The following AOX1 variants were observed in gnomAD, a reference collection of about 807,000 sequenced individuals.
The protein encoded by AOX1 is aldehyde oxidase 1, also known as aldehyde oxidase.
In AOX1, 153 loss-of-function variants were observed where a neutral mutation model predicts 169.5. That is an observed-to-expected ratio of 0.90 (90% CI 0.79 to 1.03). The LOEUF is 1.03. Among genes scored for constraint, AOX1 ranks in the 50% least tolerant of loss-of-function variants. AOX1 has a pLI of 0.00. For synonymous variants in AOX1, 562 were observed against 581.9 expected (o/e 0.97, Z 0.49); for missense variants, 1,656 against 1,663.9 (o/e 1.00, Z 0.08).
At chr2:200,612,883 AG>A in intron 14 of AOX1, 90 bp downstream of exon 14, 1 of 1,044,312 alleles carries the variant, frequency 9.6e-7, no homozygotes, top group Non-Finnish European at 1.4e-6. Context: ...TGTGATTACA[AG>A]AAGAAAAGTG....
At chr2:200,638,367 G>A (rs1366764486) in intron 23 of AOX1, 65 bp downstream of exon 23, 2 of 1,383,968 alleles carry the variant, frequency 1.4e-6, no homozygotes, top group Non-Finnish European at 2.1e-6. Flanking sequence ...CAGTGCGCAG[G>A]GCAGTCTTTG....
chr2:200,625,873 G>C (rs944553697), intron 19 of AOX1, among the ~76,000 whole-genome samples: 2 of 152,220 alleles, frequency 1.3e-5, no homozygotes, highest in Non-Finnish European at 2.9e-5. Context: ...ATATATCTCT[G>C]TCACTATCAC....
intron 5 of AOX1, among the ~76,000 whole-genome samples, chr2:200,601,623 T>A (rs1383980435): frequency 7.3e-6 from 1 of 136,362 alleles, no homozygotes; most frequent in Non-Finnish European, 1.6e-5. Flanking sequence ...TAAAATGGAT[T>A]TTACTTTTTA....
chr2:200,613,794 G>A lies in AOX1; in HGVS notation c.1449-10G>A. 2 of 1,609,568 alleles carry A rather than the reference G, an allele frequency of 1.2e-6. No individual in the cohort carries two copies. The highest frequency in any genetic ancestry group is 8.5e-7 in the Non-Finnish European group (1 of 1,178,370). On this transcript the variant is annotated splice_polypyrimidine_tract_variant and intron_variant, in intron 14 of 34. Coordinates refer to ENST00000374700, the MANE Select transcript of AOX1 (RefSeq NM_001159.4). ...TGTCAGGCTAGGAGTCTTCTCTTTG[G>A]ACTTTCCAGGCACTGGAACGAACAG...
rs1354342768 is a variant in AOX1, at chr2:200,620,631, T to G, written c.1705-19T>G. 6.7e-7 allele frequency: 1 copy of G among 1,490,192 alleles called. No individual in the cohort carries two copies. Among genetic ancestry groups the G allele is most frequent in the Non-Finnish European group, 8.9e-7 (1 of 1,126,452 alleles). 92.3% of individuals were successfully genotyped at this position (1,490,192 alleles called of 1,614,324 possible). On this transcript the variant is annotated intron_variant, in intron 16 of 34. Transcript: ENST00000374700. ...CTCTATAGAAATGTAAAAGTATATT[T>G]TGGTTATTTATTAAACAGAATATAG...
chr2:200,663,637 T>C (rs1452122738), intron 31 of AOX1, among the ~76,000 whole-genome samples: 1 of 151,618 alleles, frequency 6.6e-6, no homozygotes, highest in African/African-American at 2.4e-5. Flanking sequence ...ACTCATAGAA[T>C]TTCTCCTCTT....
intron 4 of AOX1, 57 bp from the exon 5 acceptor site, chr2:200,599,563 C>G (rs2034358622): frequency 7.1e-7 from 1 of 1,414,274 alleles, no homozygotes; most frequent in Admixed American, 2.0e-5. Flanking sequence ...GGCTCTAATT[C>G]ATTAGGCCTG....
At chr2:200,663,261 C>G (rs535711332) in intron 31 of AOX1, among the ~76,000 whole-genome samples, 22 of 152,280 alleles carry the variant, frequency 1.4e-4, no homozygotes, top group African/African-American at 5.3e-4. Context: ...TTCATGTAGA[C>G]TATTGGCACA....
chr2:200,612,167 G>T (rs1574920384), intron 13 of AOX1, among the ~76,000 whole-genome samples: 2 of 152,214 alleles, frequency 1.3e-5, no homozygotes, highest in East Asian at 1.9e-4. Flanking sequence ...ATTTGCAATA[G>T]AACTTATTGG....
intron 27 of AOX1, among the ~76,000 whole-genome samples, chr2:200,657,165 A>AAAAAAAAAAATATATATATATAT (rs1179205121): frequency 1.1e-5 from 1 of 88,404 alleles, no homozygotes; most frequent in South Asian, 3.9e-4. Flanking sequence ...CTCTACCAAA[A>AAAAAAAAAAATATATATATATAT]ATATATATAT....
At chr2:200,605,842 T>G (rs1357355858) in intron 10 of AOX1, among the ~76,000 whole-genome samples, 1 of 152,224 alleles carries the variant, frequency 6.6e-6, no homozygotes, top group Non-Finnish European at 1.5e-5. Context: ...GGTTGCTTTT[T>G]CCTTATAAAT....
chr2:200,613,687 C>A, intron 14 of AOX1, 117 bp from the exon 15 acceptor site: 1 of 1,045,684 alleles, frequency 9.6e-7, no homozygotes, highest in Non-Finnish European at 1.3e-6. Flanking sequence ...GCTGCCTGAT[C>A]CAGAGCTTGT....
chr2:200,586,926 G>T (rs558618556), intron 1 of AOX1, among the ~76,000 whole-genome samples: 23 of 152,158 alleles, frequency 1.5e-4, no homozygotes, highest in Non-Finnish European at 2.8e-4. Context: ...CACTCTTAAT[G>T]TTCCAGTTTC....
At chr2:200,653,709 G>GC (rs1300491659) in intron 26 of AOX1, among the ~76,000 whole-genome samples, 2 of 152,172 alleles carry the variant, frequency 1.3e-5, no homozygotes, top group African/African-American at 4.8e-5. Flanking sequence ...CTGCTTTATT[G>GC]CACTTCCTAG....
chr2:200,633,229 T>C (rs1417635288), intron 20 of AOX1, among the ~76,000 whole-genome samples: 1 of 152,176 alleles, frequency 6.6e-6, no homozygotes, highest in Non-Finnish European at 1.5e-5. Flanking sequence ...TTTATTCTAT[T>C]TGGGATCACT....
At chr2:200,646,913 G>A (rs964534170) in intron 25 of AOX1, among the ~76,000 whole-genome samples, 5 of 152,220 alleles carry the variant, frequency 3.3e-5, no homozygotes, top group East Asian at 1.9e-4. Context: ...CCATGTGCAC[G>A]AATTGCCTTT....
chr2:200,666,252 CTG>C (rs1380219639), intron 31 of AOX1, among the ~76,000 whole-genome samples: 3 of 152,134 alleles, frequency 2.0e-5, no homozygotes, highest in Non-Finnish European at 4.4e-5. Flanking sequence ...ACCCTGAACT[CTG>C]TGGTTCAGTA....
At chr2:200,645,041 T>C (rs2035422712) in intron 25 of AOX1, among the ~76,000 whole-genome samples, 1 of 152,178 alleles carries the variant, frequency 6.6e-6, no homozygotes, top group Non-Finnish European at 1.5e-5. Context: ...TTTATTTCTT[T>C]CTGTTGTCTG....
Position 200,620,634 on chromosome 2 carries a change from G to T in AOX1, c.1705-16G>T. 5 of 1,489,638 alleles carry T rather than the reference G, an allele frequency of 3.4e-6. No individual in the cohort carries two copies. The highest frequency in any genetic ancestry group is 4.4e-6 in the Non-Finnish European group (5 of 1,126,492). 92.3% of individuals were successfully genotyped at this position (1,489,638 alleles called of 1,614,324 possible). On this transcript the variant is annotated splice_polypyrimidine_tract_variant and intron_variant, in intron 16 of 34. Coordinates refer to ENST00000374700, the MANE Select transcript of AOX1 (RefSeq NM_001159.4). ...TATAGAAATGTAAAAGTATATTTTG[G>T]TTATTTATTAAACAGAATATAGGCC... is the stretch of plus-strand genomic sequence containing the variant.
Sources: gnomAD v4.1 joint callset for allele counts (sites outside exome capture counted in the v4.1 genomes callset) on GRCh38, gnomAD v4.1.1 for gene constraint, MANE v1.5 for transcripts, NCBI Gene and HGNC (gene_info 2026-07-23, HGNC 2026-07-21) for gene names.